Variants in NAA25 observed in about 807,000 individuals in gnomAD.
NAA25 encodes the protein N-terminal acetyltransferase B complex subunit NAA25.
Under a neutral mutation model 132.5 loss-of-function variants are expected in NAA25, and 30 were observed. The observed-to-expected ratio is 0.23, with a 90% CI of 0.17 to 0.31. The LOEUF (loss-of-function observed/expected upper bound fraction) is 0.31, where lower values mean the gene tolerates loss of function less well. Among genes scored for constraint, NAA25 ranks in the 10% least tolerant of loss-of-function variants. NAA25 has a pLI of 1.00. For missense variants in NAA25, 771 were observed against 1,150.4 expected (o/e 0.67, Z 4.77); for synonymous variants, 359 against 401.9 (o/e 0.89, Z 1.28).
chr12:112,068,912 C>A lies in NAA25; in HGVS notation c.1117G>T (p.Val373Phe), dbSNP rs769838669. Residue 373 changes from valine to phenylalanine, a missense_variant, in exon 11 of 24, where the codon GTT (valine) becomes TTT (phenylalanine). This residue lies in a region of NAA25 where 417 missense variants were observed against 733.8 expected (regional missense o/e 0.57). Coordinates refer to ENST00000261745, the MANE Select transcript of NAA25 (RefSeq NM_024953.4). ...CACTGTGTAGCAGGTAAGAGGTCAA[C>A]AAACACCTTAAGGTCTGTAAAACAA... ...PCCFTDLKVF[V>F]DLLPATQCTK... 7 of 1,612,894 alleles carry A rather than the reference C, an allele frequency of 4.3e-6. No homozygotes were observed. Among genetic ancestry groups the A allele is most frequent in the Non-Finnish European group, 5.9e-6 (7 of 1,179,178 alleles).
intron 1 of NAA25, among the ~76,000 whole-genome samples, chr12:112,106,273 T>C (rs968613167): frequency 2.6e-5 from 4 of 152,170 alleles, no homozygotes; most frequent in Non-Finnish European, 5.9e-5. Context: ...GTGTTTCCCA[T>C]TAGACAGTCA....
rs2078433669 is a variant in NAA25, at chr12:112,049,635, A to G, written c.1729-1192T>C. ...ATCTGGAGAAATTAAAGACGGACGG[A>G]CACAAGAAAATTAAAAAGATTACTT... On this transcript the variant is annotated intron_variant, in intron 15 of 23. Coordinates refer to ENST00000261745, the MANE Select transcript of NAA25 (RefSeq NM_024953.4). This position sits in a 1 kb window ranked among gnomAD's most constrained non-coding sequence, Gnocchi z 4.7. The G allele has an allele frequency of 1.0e-6, 1 of 985,512 alleles. No individual in the cohort carries two copies. Among genetic ancestry groups the G allele is most frequent in the Non-Finnish European group, 1.2e-6 (1 of 829,932 alleles). 61.0% of individuals were successfully genotyped at this position (985,512 alleles called of 1,614,324 possible).
chr12:112,055,602 G>A (rs2078532781), intron 13 of NAA25, among the ~76,000 whole-genome samples: 1 of 152,014 alleles, frequency 6.6e-6, no homozygotes, highest in South Asian at 2.1e-4. Flanking sequence ...TACTCAGGAG[G>A]GCTGAGGTTG....
At chr12:112,099,614 G>A (rs565008795) in intron 1 of NAA25, among the ~76,000 whole-genome samples, 14 of 152,164 alleles carry the variant, frequency 9.2e-5, no homozygotes, top group African/African-American at 2.9e-4. Context: ...TTGAATGAAC[G>A]CACAAGCTGC....
At chr12:112,080,409 T>C (rs1317345123) in intron 5 of NAA25, among the ~76,000 whole-genome samples, 3 of 151,886 alleles carry the variant, frequency 2.0e-5, no homozygotes, top group African/African-American at 7.2e-5. Context: ...CAGAGGCTCA[T>C]GCCTGTAATC....
chr12:112,084,376 A>C (rs1255218094), intron 4 of NAA25, among the ~76,000 whole-genome samples: 1 of 152,270 alleles, frequency 6.6e-6, no homozygotes, highest in Admixed American at 6.5e-5. Flanking sequence ...ATCCATATGA[A>C]ACATGACATT....
intron 22 of NAA25, among the ~76,000 whole-genome samples, chr12:112,035,796 G>A (rs1391291305): frequency 1.3e-5 from 2 of 151,474 alleles, no homozygotes; most frequent in East Asian, 3.9e-4. Context: ...TCCTGCTTCA[G>A]CCTCCTGAGT....
At chr12:112,041,717 TAATAC>T (rs1157609535) in intron 20 of NAA25, among the ~76,000 whole-genome samples, 5 of 152,156 alleles carry the variant, frequency 3.3e-5, no homozygotes, top group Non-Finnish European at 7.3e-5. Flanking sequence ...TAAAAAATGT[TAATAC>T]AATACTATAG....
At position 112,086,069 on chromosome 12, in the gene NAA25, T is replaced by C. The variant is rs1429095026; in HGVS notation, c.402+1614A>G. Among the ~76,000 whole-genome samples, 35 of 58,466 alleles carry C rather than the reference T, an allele frequency of 6.0e-4. 2 individuals are homozygous for C. In the East Asian group the frequency reaches 0.011, roughly 18 times the overall value. 38.4% of individuals were successfully genotyped at this position (58,466 alleles called of 152,430 possible). A position where few individuals can be genotyped will look rare whatever the true frequency, so the allele number is the denominator to read the frequency against. The stretch of plus-strand genomic sequence containing the variant: ...AAAAAAAAATATATATATATATATA[T>C]ATATACACACACACACACACACACA... On this transcript the variant is annotated intron_variant, in intron 4 of 23. Transcript: ENST00000261745.
intron 1 of NAA25, among the ~76,000 whole-genome samples, chr12:112,099,521 T>C (rs2079261300): frequency 6.6e-6 from 1 of 152,132 alleles, no homozygotes; most frequent in South Asian, 2.1e-4. Context: ...ATAATGCAGC[T>C]AAAATAATGA....
chr12:112,102,847 C>T (rs1015787474), intron 1 of NAA25, among the ~76,000 whole-genome samples: 2 of 151,724 alleles, frequency 1.3e-5, no homozygotes, highest in African/African-American at 4.8e-5. Context: ...CTACCACACC[C>T]GGCTAATTTT....
At chr12:112,075,406 C>T (rs758913190) in intron 8 of NAA25, among the ~76,000 whole-genome samples, 74 of 152,266 alleles carry the variant, frequency 4.9e-4, no homozygotes, top group Middle Eastern at 3.4e-3. Flanking sequence ...CCAGGCTGGT[C>T]TCAAACTCCT....
intron 1 of NAA25, 40 bp from the exon 2 acceptor site, chr12:112,093,176 TC>T: frequency 8.5e-7 from 1 of 1,183,054 alleles, no homozygotes; most frequent in South Asian, 1.3e-5. Flanking sequence ...TTATATTCCT[TC>T]AATAACAAAT....
chr12:112,066,723 C>T (rs1480741703), intron 11 of NAA25, among the ~76,000 whole-genome samples: 1 of 152,202 alleles, frequency 6.6e-6, no homozygotes, highest in Non-Finnish European at 1.5e-5. Context: ...TCAAACAGAG[C>T]TTTACTAAAC....
rs1453694326 is a variant in NAA25 at position 112,043,794 on chromosome 12, A to G, written c.2081T>C (p.Leu694Ser). The change falls in exon 18 of 24, where the codon TTG (leucine) becomes TCG (serine). Residue 694 changes from leucine (L) to serine (S), a missense_variant. Leu to Ser is a moderately radical substitution (Grantham distance 145). Around this residue, in one of 3 missense-constraint regions of NAA25, gnomAD observed 324 missense variants for 400.0 expected, o/e 0.81. Coordinates refer to ENST00000261745, the MANE Select transcript of NAA25 (RefSeq NM_024953.4). ...TLWLRIRSLT[L>S]RLISGLPSLN... ...ACTTGGAAGTCCACTTATCAGCCTC[A>G]ATGTTAAGGATCGGATTCTTAACCA... 1 of 1,614,186 alleles carries G rather than the reference A, an allele frequency of 6.2e-7. No homozygotes were observed.
Position 112,047,662 on chromosome 12 carries a change from T to C in NAA25, c.2006+3A>G, listed in dbSNP as rs767516269. On this transcript the variant is annotated splice_donor_region_variant and intron_variant, in intron 17 of 23. Transcript: ENST00000261745. Reference sequence around the variant, plus strand: ...AAATTGCTTGGGGTTAAATTCCAGTTACCTGTCTTTTGGATCCCAGCTGAA... The same window carrying C: ...AAATTGCTTGGGGTTAAATTCCAGTCACCTGTCTTTTGGATCCCAGCTGAA... 6.2e-7 allele frequency: 1 copy of C among 1,607,454 alleles called. No homozygotes were observed. The highest frequency in any genetic ancestry group is 8.5e-7 in the Non-Finnish European group (1 of 1,178,522).
chr12:112,078,340 TAA>T (rs1006261355), intron 6 of NAA25, 74 bp from the exon 7 acceptor site: 62 of 1,141,316 alleles, frequency 5.4e-5, no homozygotes, highest in Non-Finnish European at 7.9e-5. Flanking sequence ...TATAGGTTTT[TAA>T]AAAGTTATTT....
intron 20 of NAA25, among the ~76,000 whole-genome samples, chr12:112,040,968 A>C (rs1476411270): frequency 6.6e-6 from 1 of 152,086 alleles, no homozygotes; most frequent in African/African-American, 2.4e-5. Flanking sequence ...ACAGATAATA[A>C]ATTTTATTAT....
At position 112,074,739 on chromosome 12, in the gene NAA25, T is replaced by C; in HGVS notation, c.802A>G (p.Thr268Ala). The change falls in exon 9 of 24, where the codon ACT (threonine) becomes GCT (alanine). Residue 268 changes from threonine to alanine, a missense_variant. Thr to Ala is a moderately conservative substitution (Grantham distance 58). Coordinates refer to ENST00000261745, the MANE Select transcript of NAA25 (RefSeq NM_024953.4). The part of the protein sequence containing the change: ...KNSDDWQFYL[T>A]YFDSVFRLIE... ...AGTCGAAAGACAGAATCGAAATAAG[T>C]CAGATAGAACTGCCAGTCATCTGAG... 1 of 1,611,864 alleles carries C rather than the reference T, an allele frequency of 6.2e-7. No individual in the cohort carries two copies. Among genetic ancestry groups the C allele is most frequent in the Non-Finnish European group, 8.5e-7 (1 of 1,179,072 alleles).
Sources: gnomAD v4.1 joint callset for allele counts (sites outside exome capture counted in the v4.1 genomes callset) on GRCh38, gnomAD v4.1.1 for gene constraint, gnomAD v4.1.1 regional missense constraint, Gnocchi (gnomAD v3.1) non-coding constraint, MANE v1.5 for transcripts, NCBI Gene and HGNC (gene_info 2026-07-23, HGNC 2026-07-21) for gene names.